The following PKHD1L1 variants were observed in gnomAD, a reference collection of about 807,000 sequenced individuals.
PKHD1L1 encodes the protein fibrocystin-L.
A neutral mutation model predicts 462.9 loss-of-function variants in PKHD1L1; 434 were observed. The observed-to-expected ratio is 0.94, with a 90% confidence interval of 0.87 to 1.02. PKHD1L1 has a LOEUF of 1.02. PKHD1L1 is among the 50% of genes least tolerant of loss of function. The pLI is 0.00. For missense variants in PKHD1L1, 5,202 were observed against 5,096.1 expected (o/e 1.02, Z -0.63); for synonymous variants, 1,781 against 1,750.0 (o/e 1.02, Z -0.44).
chr8:109,430,865 T>A (rs1446909237), intron 27 of PKHD1L1, among the ~76,000 whole-genome samples: 1 of 152,220 alleles, frequency 6.6e-6, no homozygotes, highest in Non-Finnish European at 1.5e-5. Flanking sequence ...TCATGTTACA[T>A]GGGGTTAAAA....
chr8:109,419,211 T>A lies in PKHD1L1; in HGVS notation c.2475T>A (p.Tyr825Ter). Residue 825 changes from tyrosine to a stop codon, truncating the protein, a stop_gained, in exon 22 of 78, where the codon TAT becomes TAA. Transcript: ENST00000378402. LOFTEE classifies it high-confidence loss of function. ...LHKASESQSFYVDVVYIGHTS... is the reference protein window; with the variant it reads ...LHKASESQSF ...AAGCATCAGAATCACAGTCCTTCTA[T>A]GTGGATGTAGTGTACATTGGACACA... 1 of 1,612,882 alleles carries A rather than the reference T, an allele frequency of 6.2e-7. No individual in the cohort carries two copies. The highest frequency in any genetic ancestry group is 8.5e-7 in the Non-Finnish European group (1 of 1,179,236).
At chr8:109,391,220 C>T (rs372441901) in intron 9 of PKHD1L1, among the ~76,000 whole-genome samples, 6 of 152,166 alleles carry the variant, frequency 3.9e-5, no homozygotes, top group South Asian at 2.1e-4. Flanking sequence ...CTGTGTTACC[C>T]ACTGGGAAAA....
In PKHD1L1 at chr8:109,448,498, T is replaced by G. The variant is rs1563555689; in HGVS notation, c.6025+107T>G. 14 of 1,224,790 alleles carry G rather than the reference T, an allele frequency of 1.1e-5. 1 individual carries two copies. In the South Asian group the frequency reaches 1.5e-4, roughly 13 times the overall value. 75.9% of individuals were successfully genotyped at this position (1,224,790 alleles called of 1,614,324 possible). A position where few individuals can be genotyped will look rare whatever the true frequency, so the allele number is the denominator to read the frequency against. ...TTACTCAAACACATAAAATTTCTAG[T>G]GTTTTTTTTGTTTGTTTGGTTTTTT... On this transcript the variant is annotated intron_variant, in intron 39 of 77. Coordinates refer to ENST00000378402, the MANE Select transcript of PKHD1L1 (RefSeq NM_177531.6).
chr8:109,443,842 A>G lies in PKHD1L1; in HGVS notation c.4731A>G (p.Thr1577=). 5 of 1,613,912 alleles carry G rather than the reference A, an allele frequency of 3.1e-6. No homozygotes were observed. The highest frequency in any genetic ancestry group is 1.1e-5 in the South Asian group (1 of 91,084). ...SISNITPSTG[T]VNELITIIGH... is the part of the protein sequence containing the mutation. ...GCAACATTACTCCGTCCACTGGAAC[A>G]GTAAATGAACTAATAACAATTATTG... Residue 1577 remains threonine (T), a synonymous_variant, in exon 37 of 78, where the codon ACA becomes ACG. Coordinates refer to ENST00000378402, the MANE Select transcript of PKHD1L1 (RefSeq NM_177531.6).
intron 60 of PKHD1L1, 53 bp downstream of exon 60, chr8:109,490,108 TATTTTC>T: frequency 8.8e-7 from 1 of 1,130,670 alleles, no homozygotes; most frequent in Non-Finnish European, 1.3e-6. Context: ...AAAATATTTT[TATTTTC>T]ATTTGACTTC....
intron 28 of PKHD1L1, 127 bp downstream of exon 28, chr8:109,433,343 C>A (rs1815216959): frequency 2.4e-6 from 2 of 825,972 alleles, no homozygotes; most frequent in Admixed American, 4.9e-5. Context: ...TTATCATGAT[C>A]CCTATGGGGT....
Position 109,443,739 on chromosome 8 carries a change from G to A in PKHD1L1, c.4628G>A (p.Cys1543Tyr). The change falls in exon 37 of 78, where the codon TGC becomes TAC. Residue 1543 changes from cysteine to tyrosine, a missense_variant. Cys to Tyr is a radical substitution (Grantham distance 194, BLOSUM62 -2). Transcript: ENST00000378402. ...VAGCLATEPL[C>Y]SLNNTRVKNS... ...GGCTGCCTAGCAACAGAACCCCTGT[G>A]CAGCCTGAACAATACCAGGGTTAAA... 4 of 1,613,756 alleles carry A rather than the reference G, an allele frequency of 2.5e-6. No homozygotes were observed. In the South Asian group the frequency reaches 4.4e-5, roughly 18 times the overall value.
intron 50 of PKHD1L1, chr8:109,471,230 G>T (rs1817699230): frequency 3.4e-6 from 2 of 582,694 alleles, no homozygotes; most frequent in Non-Finnish European, 5.4e-6. Context: ...TTTAGTAAGG[G>T]TTTTATGAGT....
In PKHD1L1 at chr8:109,442,136, C is replaced by G; in HGVS notation, c.4334C>G (p.Pro1445Arg). The change falls in exon 35 of 78, where the codon CCT (proline) becomes CGT (arginine). Residue 1445 changes from proline to arginine, a missense_variant. By Grantham distance (103) the Pro-to-Arg change is moderately radical. This residue lies in a region of PKHD1L1 where 4,497 missense variants were observed against 4,336.8 expected (regional missense o/e 1.04). Coordinates refer to ENST00000378402, the MANE Select transcript of PKHD1L1 (RefSeq NM_177531.6). ...IGYRIFSVSS[P>R]GSVIYDGKGF... ...TATAGGATTTTTTCTGTCTCCAGTC[C>G]TGGAAGTGTAATTTATGATGGCAAA... 6.2e-7 allele frequency: 1 copy of G among 1,613,238 alleles called. No homozygotes were observed. Among genetic ancestry groups the G allele is most frequent in the Non-Finnish European group, 8.5e-7 (1 of 1,179,540 alleles).
rs768665761 is a variant in PKHD1L1, at chr8:109,441,267, C to T, written c.4100-8C>T. On this transcript the variant is annotated splice_polypyrimidine_tract_variant and splice_region_variant and intron_variant, in intron 33 of 77. Coordinates refer to ENST00000378402, the MANE Select transcript of PKHD1L1 (RefSeq NM_177531.6). Reference sequence around the variant, plus strand: ...TTTTTAAAAATATGCAGTATTTATTCTTTCTAGGGTCCATCCCTTGCAATG... The same window carrying T: ...TTTTTAAAAATATGCAGTATTTATTTTTTCTAGGGTCCATCCCTTGCAATG... 3 of 1,515,350 alleles carry T rather than the reference C, an allele frequency of 2.0e-6. No homozygotes were observed. The highest frequency in any genetic ancestry group is 2.7e-6 in the Non-Finnish European group (3 of 1,121,698). 93.9% of individuals were successfully genotyped at this position (1,515,350 alleles called of 1,614,324 possible).
chr8:109,394,324 A>C, intron 9 of PKHD1L1, 91 bp from the exon 10 acceptor site: 1 of 741,462 alleles, frequency 1.3e-6, no homozygotes, highest in Non-Finnish European at 2.1e-6. Context: ...GCTCTTTTGC[A>C]GATTATGACA....
intron 27 of PKHD1L1, among the ~76,000 whole-genome samples, chr8:109,430,299 C>G (rs1337680124): frequency 6.6e-6 from 1 of 152,124 alleles, no homozygotes; most frequent in Non-Finnish European, 1.5e-5. Flanking sequence ...TTAAACTTCT[C>G]CAGTTTCACC....
rs923476473 is a variant in PKHD1L1 at position 109,413,439 on chromosome 8, G to A, written c.2254G>A (p.Gly752Arg). ...TATGTAGTTATGTTTAGCATACAAA[G>A]GATTCCTGGCAAATTATATTGGTCT... ...PYNQLCLAYK[G>R]FLANYIGLKF... Residue 752 changes from glycine (G) to arginine (R), a missense_variant, in exon 21 of 78, where the codon GGA becomes AGA. Around this residue, in one of 3 missense-constraint regions of PKHD1L1, gnomAD observed 4,497 missense variants for 4,336.8 expected, o/e 1.04. Transcript: ENST00000378402. 7.1e-6 allele frequency: 11 copies of A among 1,555,080 alleles called. No homozygotes were observed. The highest frequency in any genetic ancestry group is 9.6e-6 in the Non-Finnish European group (11 of 1,142,152).
intron 10 of PKHD1L1, among the ~76,000 whole-genome samples, chr8:109,395,677 G>C (rs181296644): frequency 6.6e-6 from 1 of 152,244 alleles, no homozygotes; most frequent in South Asian, 2.1e-4. Flanking sequence ...CATAAACATA[G>C]GAAAGATTCA....
intron 57 of PKHD1L1, among the ~76,000 whole-genome samples, chr8:109,483,388 T>C (rs762583821): frequency 2.0e-5 from 3 of 149,694 alleles, no homozygotes; most frequent in Non-Finnish European, 3.0e-5. Context: ...ATTATGTATA[T>C]ATATTTTATG....
chr8:109,383,385 T>C (rs1812266244), intron 4 of PKHD1L1, among the ~76,000 whole-genome samples: 1 of 116,370 alleles, frequency 8.6e-6, no homozygotes, highest in Non-Finnish European at 1.6e-5. Context: ...AGTATGTATA[T>C]TATATATTAT....
rs181871651 is a variant in PKHD1L1 at position 109,443,166 on chromosome 8, A to T, written c.4564+50A>T. The stretch of plus-strand genomic sequence containing the variant: ...CTGTTACACAGGTGACCCAGGGTGT[A>T]TGTGATATTTCTGGAGCCGGTAGCA... On this transcript the variant is annotated intron_variant, in intron 36 of 77. Coordinates refer to ENST00000378402, the MANE Select transcript of PKHD1L1 (RefSeq NM_177531.6). 1.1e-4 allele frequency: 164 copies of T among 1,559,794 alleles called. 1 individual carries two copies. In the East Asian group the frequency reaches 3.2e-3, roughly 30 times the overall value.
intron 59 of PKHD1L1, among the ~76,000 whole-genome samples, chr8:109,487,890 G>GGAAGGAAGGA (rs1554589552): frequency 0.12 from 8,586 of 69,150 alleles, 810 homozygotes; most frequent in South Asian, 0.17. Context: ...GAGAGAGAGA[G>GGAAGGAAGGA]AGGAAGGAAG....
intron 1 of PKHD1L1, among the ~76,000 whole-genome samples, chr8:109,362,878 C>A (rs956747474): frequency 1.3e-5 from 2 of 152,058 alleles, no homozygotes; most frequent in Non-Finnish European, 2.9e-5. Flanking sequence ...AAAGAGATTG[C>A]GAGAGATTGC....
Sources: gnomAD v4.1 joint callset for allele counts (sites outside exome capture counted in the v4.1 genomes callset) on GRCh38, gnomAD v4.1.1 for gene constraint, gnomAD v4.1.1 regional missense constraint, MANE v1.5 for transcripts, NCBI Gene and HGNC (gene_info 2026-07-23, HGNC 2026-07-21) for gene names.